FOXO1: variants seen among roughly 807,000 people sequenced by gnomAD.
FOXO1 encodes the protein forkhead box O1, also known as forkhead box protein O1.
In FOXO1, 6 loss-of-function variants were observed where a neutral mutation model predicts 44.1. That is an observed-to-expected ratio of 0.14 (90% CI 0.07 to 0.27). The LOEUF is 0.27. Among genes scored for constraint, FOXO1 ranks in the 10% least tolerant of loss-of-function variants. The pLI is 1.00. For synonymous variants in FOXO1, 380 were observed against 362.7 expected (o/e 1.05, Z -0.54); for missense variants, 737 against 888.8 (o/e 0.83, Z 2.17).
At chr13:40,601,515 C>A (rs1245976898) in intron 1 of FOXO1, among the ~76,000 whole-genome samples, 1 of 152,152 alleles carries the variant, frequency 6.6e-6, no homozygotes, top group Non-Finnish European at 1.5e-5. Flanking sequence ...TTCAAATTTT[C>A]TCTAATATTT....
chr13:40,592,224 C>A (rs971124647), intron 1 of FOXO1, among the ~76,000 whole-genome samples: 2 of 152,136 alleles, frequency 1.3e-5, no homozygotes, highest in African/African-American at 4.8e-5. Context: ...CTACTCTGAT[C>A]TCCAATCTCC....
Position 40,560,959 on chromosome 13 carries a change from G to A in FOXO1, c.631-99C>T. 8.2e-7 allele frequency: 1 copy of A among 1,212,624 alleles called. No individual in the cohort carries two copies. The allele number at this position is 1,212,624 out of a possible 1,614,324, so 75.1% of individuals were successfully genotyped here. On this transcript the variant is annotated intron_variant, in intron 1 of 2. Transcript: ENST00000379561. The surrounding 1 kb of genome is among the most constrained non-coding windows in gnomAD (Gnocchi z 5.1). ...ATGGAAAACAAGTAAAAAATCTTAA[G>A]AGTGTGTGCTACAGATTTCCATCTG...
intron 1 of FOXO1, among the ~76,000 whole-genome samples, chr13:40,612,376 C>A (rs950296873): frequency 1.3e-5 from 2 of 152,120 alleles, no homozygotes; most frequent in Non-Finnish European, 2.9e-5. Flanking sequence ...AGATAAAGTG[C>A]CATGTATGAT....
intron 1 of FOXO1, among the ~76,000 whole-genome samples, chr13:40,650,414 T>C (rs1466122131): frequency 6.6e-6 from 1 of 152,244 alleles, no homozygotes; most frequent in African/African-American, 2.4e-5. Flanking sequence ...AGCCTCATTT[T>C]ACCCAGCTCC....
intron 1 of FOXO1, among the ~76,000 whole-genome samples, chr13:40,638,462 A>C (rs1457818134): frequency 6.6e-6 from 1 of 152,206 alleles, no homozygotes; most frequent in African/African-American, 2.4e-5. Flanking sequence ...ACTAAATATT[A>C]AGATGTTTCC....
chr13:40,637,220 G>A (rs542407564), intron 1 of FOXO1, among the ~76,000 whole-genome samples: 4 of 152,136 alleles, frequency 2.6e-5, no homozygotes, highest in Middle Eastern at 3.4e-3. Context: ...CAAGGCAGGC[G>A]GATCAGGAGG....
chr13:40,584,845 C>T (rs931193517), intron 1 of FOXO1, among the ~76,000 whole-genome samples: 3 of 152,178 alleles, frequency 2.0e-5, no homozygotes, highest in African/African-American at 4.8e-5. Flanking sequence ...TTATGATTCA[C>T]TAGGTATGAA....
At chr13:40,559,366 G>C (rs1873884697) in intron 2 of FOXO1, 143 bp downstream of exon 2, 1 of 709,370 alleles carries the variant, frequency 1.4e-6, no homozygotes, top group African/African-American at 1.8e-5. Flanking sequence ...CTGCAAAAAG[G>C]ACAGAGAATG....
At chr13:40,563,663 G>A (rs1593379373) in intron 1 of FOXO1, among the ~76,000 whole-genome samples, 1 of 152,214 alleles carries the variant, frequency 6.6e-6, no homozygotes, top group African/African-American at 2.4e-5. Flanking sequence ...CAGGGGCTTA[G>A]AGTAGGTACA....
At chr13:40,661,422 C>T (rs886695242) in intron 1 of FOXO1, among the ~76,000 whole-genome samples, 1 of 151,864 alleles carries the variant, frequency 6.6e-6, no homozygotes, top group African/African-American at 2.4e-5. Flanking sequence ...ATTATTGGCA[C>T]GATAGCTGGG....
intron 1 of FOXO1, among the ~76,000 whole-genome samples, chr13:40,626,786 T>C (rs1197380257): frequency 6.6e-6 from 1 of 152,182 alleles, no homozygotes; most frequent in African/African-American, 2.4e-5. Context: ...GATACCAGTC[T>C]CAATTCCTTA....
chr13:40,626,709 A>G (rs1298953405), intron 1 of FOXO1, among the ~76,000 whole-genome samples: 1 of 152,202 alleles, frequency 6.6e-6, no homozygotes, highest in Non-Finnish European at 1.5e-5. Flanking sequence ...AAAGATGCCT[A>G]GTTTCACTTG....
At chr13:40,646,407 T>G (rs1877513134) in intron 1 of FOXO1, among the ~76,000 whole-genome samples, 1 of 151,498 alleles carries the variant, frequency 6.6e-6, no homozygotes, top group Admixed American at 6.6e-5. Flanking sequence ...GGTCTCAAAC[T>G]CCTGACTTTG....
Position 40,666,043 on chromosome 13 carries a change from C to G in FOXO1, c.170G>C (p.Gly57Ala), listed in dbSNP as rs2137950863. The G allele has an allele frequency of 1.1e-5, 14 of 1,299,972 alleles. No individual in the cohort carries two copies. Among genetic ancestry groups the G allele is most frequent in the Non-Finnish European group, 1.4e-5 (14 of 1,027,210 alleles). 80.5% of individuals were successfully genotyped at this position (1,299,972 alleles called of 1,614,324 possible). A position where few individuals can be genotyped will look rare whatever the true frequency, so the allele number is the denominator to read the frequency against. Residue 57 changes from glycine (G) to alanine (A), a missense_variant, in exon 1 of 3, where the codon GGC (glycine) becomes GCC (alanine). Gly to Ala is a moderately conservative substitution (Grantham distance 60, BLOSUM62 0). Transcript: ENST00000379561. Reference sequence around the variant, plus strand: ...AGCGGCAGCCGAGGCCGAGGGCAGGCCCGCCGCGGCGTCGGGGTTGGCAGC... The same window carrying G: ...AGCGGCAGCCGAGGCCGAGGGCAGGGCCGCCGCGGCGTCGGGGTTGGCAGC... ...SAAANPDAAA[G>A]LPSASAAAVS...
chr13:40,665,454 T>G (rs1006215902), intron 1 of FOXO1, 129 bp downstream of exon 1: 17 of 812,302 alleles, frequency 2.1e-5, no homozygotes, highest in Admixed American at 8.6e-5. Context: ...GACCACCGCT[T>G]CTCGCCCGCC....
chr13:40,655,637 C>CTTTTTTTTT (rs774180443), intron 1 of FOXO1, among the ~76,000 whole-genome samples: 4 of 101,318 alleles, frequency 3.9e-5, no homozygotes, highest in Non-Finnish European at 5.5e-5. Context: ...TTCTACACTT[C>CTTTTTTTTT]TTTTTTTTTT....
At chr13:40,589,006 G>A (rs2137862249) in intron 1 of FOXO1, among the ~76,000 whole-genome samples, 1 of 152,256 alleles carries the variant, frequency 6.6e-6, no homozygotes, top group Middle Eastern at 3.4e-3. Flanking sequence ...TTTGGAGGCT[G>A]AGGCACAAGA....
At chr13:40,596,325 T>C (rs987084495) in intron 1 of FOXO1, among the ~76,000 whole-genome samples, 2 of 152,204 alleles carry the variant, frequency 1.3e-5, no homozygotes, top group Admixed American at 6.5e-5. Context: ...AGATAATTAT[T>C]ATCAGGAACG....
chr13:40,558,929 T>TG lies in FOXO1; in HGVS notation c.*119_*120insC. On this transcript the variant is annotated 3_prime_UTR_variant, in exon 3 of 3. Transcript: ENST00000379561. Reference sequence around the variant, plus strand: ...AAAAAAGGAGGGTTTTTTTTTTTGTTTTTTTTTTTAACCAAGAAAACTAAA... The same window carrying TG: ...AAAAAAGGAGGGTTTTTTTTTTTGTTGTTTTTTTTTAACCAAGAAAACTAAA... 2.5e-6 allele frequency: 1 copy of TG among 396,790 alleles called. No individual in the cohort carries two copies. Among genetic ancestry groups the TG allele is most frequent in the Non-Finnish European group, 4.4e-6 (1 of 225,232 alleles). The allele number at this position is 396,790 out of a possible 1,614,324, so 24.6% of individuals were successfully genotyped here. A position where few individuals can be genotyped will look rare whatever the true frequency, so the allele number is the denominator to read the frequency against.
Sources: gnomAD v4.1 joint callset for allele counts (sites outside exome capture counted in the v4.1 genomes callset) on GRCh38, gnomAD v4.1.1 for gene constraint, Gnocchi (gnomAD v3.1) non-coding constraint, MANE v1.5 for transcripts, NCBI Gene and HGNC (gene_info 2026-07-23, HGNC 2026-07-21) for gene names.